The following ASIC1 variants were observed in gnomAD, a reference collection of about 807,000 sequenced individuals.
ASIC1 encodes acid-sensing ion channel 1.
In ASIC1, 21 loss-of-function variants were observed where a neutral mutation model predicts 63.4. The ratio of observed to expected loss-of-function variants is 0.33; its 90% confidence interval spans 0.23 to 0.48. ASIC1 has a LOEUF of 0.48. ASIC1 is among the 20% of genes least tolerant of loss of function. ASIC1 has a pLI of 0.99. For synonymous variants in ASIC1, 258 were observed against 278.2 expected (o/e 0.93, Z 0.72); for missense variants, 478 against 695.5 (o/e 0.69, Z 3.52).
chr12:50,067,891 T>C (rs994957281), intron 3 of ASIC1, among the ~76,000 whole-genome samples: 1 of 152,168 alleles, frequency 6.6e-6, no homozygotes, highest in Non-Finnish European at 1.5e-5. Context: ...TTTTAAATCA[T>C]AAGAGTACAA....
chr12:50,077,957 G>A (rs2137844154), intron 4 of ASIC1, 43 bp from the exon 5 acceptor site: 1 of 1,579,078 alleles, frequency 6.3e-7, no homozygotes. Flanking sequence ...GGGTGTTAGG[G>A]AGTCAGGAGC....
At chr12:50,080,643 C>T in intron 9 of ASIC1, 54 bp downstream of exon 9, 1 of 1,614,176 alleles carries the variant, frequency 6.2e-7, no homozygotes, top group South Asian at 1.1e-5. Flanking sequence ...TGGCGTGGCT[C>T]CCTATCATCC....
In ASIC1 at chr12:50,081,280, C is replaced by T; in HGVS notation, c.1398C>T (p.Cys466=). The T allele has an allele frequency of 7.5e-6, 12 of 1,609,214 alleles. No homozygotes were observed. The highest frequency in any genetic ancestry group is 1.0e-5 in the Non-Finnish European group (12 of 1,177,900). Residue 466 remains cysteine (C), a synonymous_variant, in exon 11 of 12, where the codon TGC becomes TGT. Coordinates refer to ENST00000447966, the MANE Select transcript of ASIC1 (RefSeq NM_001095.4). ...CCTAGGTCATTAAGCACAAGCTGTGCCGACGAGGAAAATGCCAGAAGGAGG... is the reference window on the plus strand; with the variant it reads ...CCTAGGTCATTAAGCACAAGCTGTGTCGACGAGGAAAATGCCAGAAGGAGG... The part of the protein sequence containing the change: ...YAYEVIKHKL[C]RRGKCQKEAK...
At position 50,078,156 on chromosome 12, in the gene ASIC1, G is replaced by A. The variant is rs774147942; in HGVS notation, c.837+29G>A. 6.2e-7 allele frequency: 1 copy of A among 1,604,352 alleles called. No individual in the cohort carries two copies. On this transcript the variant is annotated intron_variant, in intron 5 of 11. Transcript: ENST00000447966. The surrounding 1 kb of genome is among the most constrained non-coding windows in gnomAD (Gnocchi z 6.0). ...AGAGGGCCATGGGAGGCTGGTCCTG[G>A]GGTGGGGTATTGAGGGGTCCAGATG...
At chr12:50,080,402 CTG>C in intron 8 of ASIC1, 94 bp from the exon 9 acceptor site, 2 of 1,173,376 alleles carry the variant, frequency 1.7e-6, no homozygotes, top group Non-Finnish European at 1.2e-6. Flanking sequence ...GATATGGAAA[CTG>C]AGATTCAGAG....
rs1386482661 is a variant in ASIC1, at chr12:50,078,943, T to C, written c.1014T>C (p.Thr338=). 4 of 1,613,760 alleles carry C rather than the reference T, an allele frequency of 2.5e-6. No individual in the cohort carries two copies. The highest frequency in any genetic ancestry group is 3.4e-6 in the Non-Finnish European group (4 of 1,179,930). The part of the protein sequence containing the change: ...VHMPGDAPYC[T]PEQYKECADP... ...CTGTAGGGGATGCCCCATACTGTAC[T>C]CCAGAGCAGTACAAGGAGTGTGCAG... The change falls in exon 7 of 12, where the codon ACT becomes ACC. Residue 338 remains threonine (T), a synonymous_variant. Coordinates refer to ENST00000447966, the MANE Select transcript of ASIC1 (RefSeq NM_001095.4). This position sits in a 1 kb window ranked among gnomAD's most constrained non-coding sequence, Gnocchi z 6.0.
intron 7 of ASIC1, 94 bp downstream of exon 7, chr12:50,079,074 C>G (rs1950688220): frequency 7.8e-7 from 1 of 1,279,522 alleles, no homozygotes; most frequent in African/African-American, 1.5e-5. Context: ...AGAAGCCTCA[C>G]ATAACTCCTG....
Position 50,074,234 on chromosome 12 carries a change from A to G in ASIC1, c.559-2979A>G. 6.7e-7 allele frequency: 1 copy of G among 1,485,110 alleles called. No homozygotes were observed. The highest frequency in any genetic ancestry group is 8.9e-7 in the Non-Finnish European group (1 of 1,119,402). The allele number at this position is 1,485,110 out of a possible 1,614,324, so 92.0% of individuals were successfully genotyped here. On this transcript the variant is annotated intron_variant, in intron 3 of 11. Transcript: ENST00000447966. This position sits in a 1 kb window ranked among gnomAD's most constrained non-coding sequence, Gnocchi z 4.2. ...CAAGGGGGACCCTGCGGCCCTCACA[A>G]CTTCTCAGTGGTGAGTGGAGCCCCA...
chr12:50,078,224 A>G lies in ASIC1; in HGVS notation c.837+97A>G. 1 of 1,540,082 alleles carries G rather than the reference A, an allele frequency of 6.5e-7. No individual in the cohort carries two copies. The highest frequency in any genetic ancestry group is 2.0e-5 in the Admixed American group (1 of 50,886). On this transcript the variant is annotated intron_variant, in intron 5 of 11. Coordinates refer to ENST00000447966, the MANE Select transcript of ASIC1 (RefSeq NM_001095.4). The surrounding 1 kb of genome is among the most constrained non-coding windows in gnomAD (Gnocchi z 6.0). ...TAATGGGAAGGACAGGTGAGCAAGG[A>G]CCTGGGTGGTAATCTGGCTAGTCAG...
At chr12:50,062,235 C>T (rs1174832287) in intron 3 of ASIC1, among the ~76,000 whole-genome samples, 3 of 152,180 alleles carry the variant, frequency 2.0e-5, no homozygotes, top group Non-Finnish European at 2.9e-5. Flanking sequence ...CTCCCCAGTC[C>T]TAAGGGCTCC....
At position 50,080,560 on chromosome 12, in the gene ASIC1, A is replaced by T. The variant is rs920815171; in HGVS notation, c.1268A>T (p.Lys423Met). 1 of 1,614,188 alleles carries T rather than the reference A, an allele frequency of 6.2e-7. No homozygotes were observed. Among genetic ancestry groups the T allele is most frequent in the Admixed American group, 1.7e-5 (1 of 60,022 alleles). Residue 423 changes from lysine to methionine, a missense_variant, in exon 9 of 12, where the codon AAG becomes ATG. By Grantham distance (95) the Lys-to-Met change is moderately conservative. Transcript: ENST00000447966. ...CTCAACTATGAGACCATTGAACAGA[A>T]GAAGGCCTATGAGATTGCAGGGCTC... ...EVLNYETIEQ[K>M]KAYEIAGLLG...
At position 50,077,205 on chromosome 12, in the gene ASIC1, C is replaced by T. The variant is rs375295536; in HGVS notation, c.559-8C>T. The T allele has an allele frequency of 7.5e-6, 12 of 1,605,164 alleles. No individual in the cohort carries two copies. In the African/African-American group the frequency reaches 1.3e-4, roughly 18 times the overall value. On this transcript the variant is annotated splice_region_variant and splice_polypyrimidine_tract_variant and intron_variant, in intron 3 of 11. Transcript: ENST00000447966. The stretch of plus-strand genomic sequence containing the variant: ...GGACTCTTAGGCTCTCCACTCTGCC[C>T]TCGCCAGGTCTTCACACGCTATGGA...
intron 3 of ASIC1, among the ~76,000 whole-genome samples, chr12:50,064,067 T>C (rs796716211): frequency 1.7e-4 from 26 of 152,080 alleles, no homozygotes; most frequent in African/African-American, 6.0e-4. Flanking sequence ...GGCCTGGTGG[T>C]CTTCATGGGT....
rs2307080 is a variant in ASIC1, at chr12:50,079,972, A to G, written c.1122A>G (p.Lys374=). ...EMPCNLTRYG[K]ELSMVKIPSK... ...CTTGCAACCTGACCCGCTATGGCAA[A>G]GAGCTGTCCATGGTCAAGATCCCCA... The change falls in exon 8 of 12, where the codon AAA becomes AAG. Residue 374 remains lysine (K), a synonymous_variant. Transcript: ENST00000447966. The G allele has an allele frequency of 7.8e-3, 12,635 of 1,613,990 alleles. 801 individuals are homozygous for G. The African/African-American group carries it at 0.14, about 18-fold the overall frequency.
At position 50,082,012 on chromosome 12, in the gene ASIC1, C is replaced by T. The variant is rs561350521; in HGVS notation, c.*363C>T. The T allele has an allele frequency of 7.8e-6, 2 of 255,138 alleles. No individual in the cohort carries two copies. Among genetic ancestry groups the T allele is most frequent in the South Asian group, 5.4e-5 (1 of 18,482 alleles). The allele number at this position is 255,138 out of a possible 1,614,324, so 15.8% of individuals were successfully genotyped here. ...CTGCTGCCACCAGTCACCAAAGGCC[C>T]TTCCCAGTGAGGGGTGGAAGGGATC... On this transcript the variant is annotated 3_prime_UTR_variant, in exon 12 of 12. Coordinates refer to ENST00000447966, the MANE Select transcript of ASIC1 (RefSeq NM_001095.4).
In ASIC1 at chr12:50,077,327, C is replaced by T. The variant is rs1032980256; in HGVS notation, c.673C>T (p.Gln225Ter). The change falls in exon 4 of 12, where the codon CAG becomes TAG. Residue 225 changes from glutamine (Q) to a stop codon, truncating the protein, a stop_gained. Transcript: ENST00000447966. LOFTEE classifies it high-confidence loss of function. Reference protein sequence around the residue: ...GNGLEIMLDIQQDEYLPVWGE... With the variant: ...GNGLEIMLDI ...TGGGCTGGAAATCATGCTGGACATC[C>T]AGCAGGACGAGTACCTGCCTGTGTG... 1 of 1,614,074 alleles carries T rather than the reference C, an allele frequency of 6.2e-7. No homozygotes were observed. The highest frequency in any genetic ancestry group is 8.5e-7 in the Non-Finnish European group (1 of 1,180,036).
chr12:50,072,327 C>T (rs914820662), intron 3 of ASIC1, among the ~76,000 whole-genome samples: 3 of 152,336 alleles, frequency 2.0e-5, no homozygotes, highest in African/African-American at 4.8e-5. Context: ...CTCCCTCCCC[C>T]GCTTCCCCTC....
At chr12:50,075,711 G>A (rs978474905) in intron 3 of ASIC1, among the ~76,000 whole-genome samples, 1 of 152,192 alleles carries the variant, frequency 6.6e-6, no homozygotes, top group Admixed American at 6.5e-5. Flanking sequence ...AGTCTGGCCT[G>A]AAACTCTTTT....
rs552707144 is a variant in ASIC1, at chr12:50,059,702, G to A, written c.363-57G>A. 117 of 1,555,790 alleles carry A rather than the reference G, an allele frequency of 7.5e-5. No homozygotes were observed. The Middle Eastern group carries it at 1.2e-3, about 16-fold the overall frequency. On this transcript the variant is annotated intron_variant, in intron 2 of 11. Coordinates refer to ENST00000447966, the MANE Select transcript of ASIC1 (RefSeq NM_001095.4). The surrounding 1 kb of genome is among the most constrained non-coding windows in gnomAD (Gnocchi z 4.6). ...GGAGGCTGCCCCCATCACCCAAGTT[G>A]GGTGCAGGACACTGATGACTGTACT...
Sources: gnomAD v4.1 joint callset for allele counts (sites outside exome capture counted in the v4.1 genomes callset) on GRCh38, gnomAD v4.1.1 for gene constraint, Gnocchi (gnomAD v3.1) non-coding constraint, MANE v1.5 for transcripts, NCBI Gene and HGNC (gene_info 2026-07-23, HGNC 2026-07-21) for gene names.